CSMD1: variants seen among roughly 807,000 people sequenced by gnomAD.
The protein encoded by CSMD1 is CUB and sushi domain-containing protein 1.
A neutral mutation model predicts 417.5 loss-of-function variants in CSMD1; 213 were observed. The observed-to-expected ratio is 0.51, with a 90% confidence interval of 0.46 to 0.57. The LOEUF (loss-of-function observed/expected upper bound fraction) is 0.57. CSMD1 is among the 20% of genes least tolerant of loss of function. The probability of loss-of-function intolerance (pLI) is 0.00; values close to 1 mark genes in which losing one functional copy is unlikely to be tolerated. For missense variants in CSMD1, 6,923 were observed against 4,529.7 expected (o/e 1.53, Z -15.17); for synonymous variants, 2,862 against 1,736.8 (o/e 1.65, Z -16.11).
At position 4,377,295 on chromosome 8, in the gene CSMD1, G is replaced by A. The variant is rs79453134; in HGVS notation, c.415+42658C>T. 4.8e-3 allele frequency among the ~76,000 whole-genome samples: 731 copies of A among 152,256 alleles called. 6 individuals are homozygous for A. The highest frequency in any genetic ancestry group is 0.016 in the African/African-American group (677 of 41,552). ...GGGACAGAGAGAGCAAAAGGGAGGAGGAGAAGTCACCACAGCCCAAAACCT... is the reference window on the plus strand; with the variant it reads ...GGGACAGAGAGAGCAAAAGGGAGGAAGAGAAGTCACCACAGCCCAAAACCT... On this transcript the variant is annotated intron_variant, in intron 3 of 69. Coordinates refer to ENST00000635120, the MANE Select transcript of CSMD1 (RefSeq NM_033225.6).
chr8:4,368,755 G>A (rs1471172424), intron 3 of CSMD1, among the ~76,000 whole-genome samples: 5 of 152,048 alleles, frequency 3.3e-5, no homozygotes, highest in Admixed American at 6.5e-5. Flanking sequence ...TGTATACAGA[G>A]GTGCTCATAA....
chr8:3,316,910 CAAGCAGGAAAATCTGCAA>C (rs1563265427), intron 23 of CSMD1, among the ~76,000 whole-genome samples: 1 of 152,024 alleles, frequency 6.6e-6, no homozygotes, highest in African/African-American at 2.4e-5. Flanking sequence ...AAAGAAAGGA[CAAGCAGGAAAATCTGCAA>C]AAGTATTTAT....
chr8:3,817,252 C>CTTTTT (rs767668610), intron 5 of CSMD1, among the ~76,000 whole-genome samples: 1 of 54,390 alleles, frequency 1.8e-5, no homozygotes, highest in Non-Finnish European at 3.4e-5. Context: ...TCTTCTTCTT[C>CTTTTT]TTTTTTTTTT....
intron 50 of CSMD1, among the ~76,000 whole-genome samples, chr8:3,042,657 A>C (rs1398492050): frequency 2.0e-5 from 3 of 152,142 alleles, no homozygotes; most frequent in African/African-American, 4.8e-5. Flanking sequence ...TGGGAAAGGT[A>C]CTCAAGCTCC....
At chr8:4,480,556 T>C (rs748194366) in intron 2 of CSMD1, among the ~76,000 whole-genome samples, 1 of 152,096 alleles carries the variant, frequency 6.6e-6, no homozygotes, top group South Asian at 2.1e-4. Flanking sequence ...CAAGCGGAGG[T>C]CCTGTTACTG....
intron 3 of CSMD1, among the ~76,000 whole-genome samples, chr8:4,167,730 C>A (rs906059709): frequency 6.6e-6 from 1 of 152,148 alleles, no homozygotes; most frequent in Non-Finnish European, 1.5e-5. Context: ...TGGTTCACAC[C>A]TGTAATTCCA....
At chr8:3,697,685 T>C (rs1800630238) in intron 7 of CSMD1, among the ~76,000 whole-genome samples, 1 of 152,198 alleles carries the variant, frequency 6.6e-6, no homozygotes, top group African/African-American at 2.4e-5. Flanking sequence ...GGTTCAGAGA[T>C]TGCCTCATCC....
intron 5 of CSMD1, among the ~76,000 whole-genome samples, chr8:3,881,256 G>GT (rs1268981320): frequency 2.1e-5 from 1 of 48,556 alleles, no homozygotes; most frequent in Non-Finnish European, 3.7e-5. Flanking sequence ...TTGTTTCTTT[G>GT]TTTTTTGCTT....
chr8:3,573,416 G>A (rs1800022571), intron 10 of CSMD1, among the ~76,000 whole-genome samples: 1 of 152,174 alleles, frequency 6.6e-6, no homozygotes, highest in Non-Finnish European at 1.5e-5. Context: ...GTACAACACG[G>A]CTCTAGCATA....
intron 1 of CSMD1, among the ~76,000 whole-genome samples, chr8:4,988,329 C>A (rs1245454163): frequency 6.6e-6 from 1 of 152,228 alleles, no homozygotes; most frequent in Non-Finnish European, 1.5e-5. Context: ...GGAATGACAA[C>A]ACTGAAATAT....
chr8:3,072,149 C>T (rs1032611641), intron 49 of CSMD1, among the ~76,000 whole-genome samples: 1 of 152,194 alleles, frequency 6.6e-6, no homozygotes, highest in African/African-American at 2.4e-5. Context: ...CTCAGGGCAT[C>T]TGAGATCAAT....
intron 2 of CSMD1, among the ~76,000 whole-genome samples, chr8:4,425,098 A>G (rs1411371942): frequency 6.6e-6 from 1 of 152,088 alleles, no homozygotes; most frequent in Non-Finnish European, 1.5e-5. Flanking sequence ...ATATTCGCCT[A>G]AGTTAGGTAC....
chr8:4,461,741 A>AC (rs1554487159), intron 2 of CSMD1, among the ~76,000 whole-genome samples: 1 of 124,550 alleles, frequency 8.0e-6, no homozygotes, highest in Non-Finnish European at 1.6e-5. Context: ...TTATTTACTT[A>AC]TTTTTTTTTT....
At position 3,408,242 on chromosome 8, in the gene CSMD1, A is replaced by G. The variant is rs774436104; in HGVS notation, c.1745-17T>C. ...AACATGAAACTGTGAAGATGCAAAT[A>G]TATTTTCAAACAGTTATGCACATAT... is the stretch of plus-strand genomic sequence containing the variant. On this transcript the variant is annotated splice_polypyrimidine_tract_variant and intron_variant, in intron 13 of 69. Transcript: ENST00000635120. The G allele has an allele frequency of 2.9e-5, 45 of 1,560,908 alleles. No individual in the cohort carries two copies. The highest frequency in any genetic ancestry group is 6.9e-5 in the East Asian group (3 of 43,178).
At position 3,454,671 on chromosome 8, in the gene CSMD1, C is replaced by T. The variant is rs529811540; in HGVS notation, c.1561+14041G>A. 1.6e-4 allele frequency among the ~76,000 whole-genome samples: 24 copies of T among 152,306 alleles called. 1 individual carries two copies. The highest frequency in any genetic ancestry group is 7.2e-4 in the Admixed American group (11 of 15,296). On this transcript the variant is annotated intron_variant, in intron 12 of 69. Coordinates refer to ENST00000635120, the MANE Select transcript of CSMD1 (RefSeq NM_033225.6). ...TCTCTTCTGGCTTGTAGAGTTTCTG[C>T]GGAGAGATCAGCTGTTAGTCTGATG...
rs115418474 is a variant in CSMD1 at position 4,449,486 on chromosome 8, G to A, written c.303-29421C>T. Among the ~76,000 whole-genome samples, 698 of 152,242 alleles carry A rather than the reference G, an allele frequency of 4.6e-3. 3 individuals are homozygous for A. Among genetic ancestry groups the A allele is most frequent in the African/African-American group, 0.016 (672 of 41,520 alleles). On this transcript the variant is annotated intron_variant, in intron 2 of 69. Coordinates refer to ENST00000635120, the MANE Select transcript of CSMD1 (RefSeq NM_033225.6). ...GTTATTAAAACCATCATCCTTCAGT[G>A]TAATATGAAGTTACTTGTCATTTTT...
chr8:3,547,675 C>G (rs758954290), intron 10 of CSMD1, among the ~76,000 whole-genome samples: 4 of 152,044 alleles, frequency 2.6e-5, no homozygotes, highest in African/African-American at 9.7e-5. Context: ...ATACTACAAC[C>G]TTTCTTTGGA....
intron 10 of CSMD1, among the ~76,000 whole-genome samples, chr8:3,515,093 A>T (rs1797231350): frequency 6.6e-6 from 1 of 152,224 alleles, no homozygotes; most frequent in Non-Finnish European, 1.5e-5. Context: ...TGAACATTTT[A>T]CACATTTAAA....
chr8:4,139,697 T>C (rs138627145), intron 3 of CSMD1, among the ~76,000 whole-genome samples: 6 of 151,168 alleles, frequency 4.0e-5, no homozygotes, highest in Non-Finnish European at 5.9e-5. Flanking sequence ...GTTAGAATGA[T>C]GATTTTGGTG....
Sources: allele counts gnomAD v4.1 joint callset (sites outside exome capture counted in the v4.1 genomes callset), GRCh38; gene constraint gnomAD v4.1.1; transcripts MANE v1.5; gene names NCBI Gene and HGNC (gene_info 2026-07-23, HGNC 2026-07-21).